TGM4: variants seen among roughly 807,000 people sequenced by gnomAD.
The protein encoded by TGM4 is protein-glutamine gamma-glutamyltransferase 4.
Under a neutral mutation model 76.3 loss-of-function variants are expected in TGM4, and 61 were observed. That is an observed-to-expected ratio of 0.80 (90% CI 0.65 to 0.99). The LOEUF (loss-of-function observed/expected upper bound fraction) is 0.99. Ranked by LOEUF, TGM4 falls within the 50% of genes least tolerant of loss-of-function variation. The probability of loss-of-function intolerance (pLI) is 0.00; values close to 1 mark genes in which losing one functional copy is unlikely to be tolerated. For synonymous variants in TGM4, 337 were observed against 329.8 expected (o/e 1.02, Z -0.24); for missense variants, 794 against 843.2 (o/e 0.94, Z 0.72).
rs572985677 is a variant in TGM4, at chr3:44,890,581, C to T, written c.301-22C>T. Reference sequence around the variant, plus strand: ...ATCTGGCCAGAGGGGGAGATGTCCACCTTATCTTATGGTTTGCTCAGGTCA... The same window carrying T: ...ATCTGGCCAGAGGGGGAGATGTCCATCTTATCTTATGGTTTGCTCAGGTCA... On this transcript the variant is annotated intron_variant, in intron 3 of 13. Transcript: ENST00000296125. 16 of 1,612,516 alleles carry T rather than the reference C, an allele frequency of 9.9e-6. 1 individual carries two copies. In the African/African-American group the frequency reaches 1.7e-4, roughly 17 times the overall value.
At chr3:44,892,972 C>G (rs1002577385) in intron 4 of TGM4, among the ~76,000 whole-genome samples, 2 of 152,124 alleles carry the variant, frequency 1.3e-5, no homozygotes, top group South Asian at 4.2e-4. Flanking sequence ...CACTGCCTGC[C>G]CCTCATTGGG....
intron 10 of TGM4, among the ~76,000 whole-genome samples, chr3:44,907,668 C>G (rs1699943541): frequency 1.3e-5 from 2 of 152,168 alleles, no homozygotes; most frequent in Non-Finnish European, 1.5e-5. Context: ...CCTAGCCATG[C>G]TGCCTGCTGT....
chr3:44,891,196 T>C (rs976523212), intron 4 of TGM4, among the ~76,000 whole-genome samples: 4 of 152,200 alleles, frequency 2.6e-5, no homozygotes, highest in African/African-American at 9.7e-5. Flanking sequence ...TGAGGCTACT[T>C]CTGCCATTAC....
chr3:44,901,113 G>A (rs971549604), intron 6 of TGM4, among the ~76,000 whole-genome samples: 8 of 152,062 alleles, frequency 5.3e-5, no homozygotes, highest in South Asian at 2.1e-4. Context: ...GGTGGCGTGC[G>A]CCTGTAGTCC....
intron 13 of TGM4, among the ~76,000 whole-genome samples, chr3:44,912,054 C>T (rs561120915): frequency 1.3e-5 from 2 of 152,312 alleles, no homozygotes; most frequent in South Asian, 4.1e-4. Flanking sequence ...TGGTCTTGAA[C>T]TCCTGACCTC....
At position 44,903,802 on chromosome 3, in the gene TGM4, T is replaced by G. The variant is rs1575724851; in HGVS notation, c.972-82T>G. On this transcript the variant is annotated intron_variant, in intron 8 of 13. Transcript: ENST00000296125. ...CTCAGTGGGTCCCCGGTGATGAAGA[T>G]GTCTCTGGCAATTTTGGCGTATTTA... 11 of 1,273,138 alleles carry G rather than the reference T, an allele frequency of 8.6e-6. No individual in the cohort carries two copies. The East Asian group carries it at 2.6e-4, about 30-fold the overall frequency. The allele number at this position is 1,273,138 out of a possible 1,614,324, so 78.9% of individuals were successfully genotyped here. A position where few individuals can be genotyped will look rare whatever the true frequency, so the allele number is the denominator to read the frequency against.
intron 4 of TGM4, among the ~76,000 whole-genome samples, chr3:44,892,634 G>A (rs1288931652): frequency 1.3e-5 from 2 of 152,124 alleles, no homozygotes; most frequent in African/African-American, 4.8e-5. Flanking sequence ...GCCTCCCAAA[G>A]TGCTGGGATT....
chr3:44,884,471 T>C (rs1019499127), intron 1 of TGM4, among the ~76,000 whole-genome samples: 5 of 152,286 alleles, frequency 3.3e-5, no homozygotes, highest in African/African-American at 9.6e-5. Flanking sequence ...CACTTTAGCA[T>C]TGAAGAAAAA....
Position 44,885,309 on chromosome 3 carries a change from G to T in TGM4, c.20-16G>T, listed in dbSNP as rs746053672. The T allele has an allele frequency of 1.3e-5, 21 of 1,595,516 alleles. No homozygotes were observed. Among genetic ancestry groups the T allele is most frequent in the Non-Finnish European group, 1.7e-5 (20 of 1,165,926 alleles). On this transcript the variant is annotated splice_polypyrimidine_tract_variant and intron_variant, in intron 1 of 13. Transcript: ENST00000296125. ...TTCTCTGTGCTCTCTTTCCACATGT[G>T]CTGCGTTGCTGACAGAGCTGCAAGT... is the stretch of plus-strand genomic sequence containing the variant.
chr3:44,879,461 C>A (rs945232619), intron 1 of TGM4, among the ~76,000 whole-genome samples: 3 of 149,674 alleles, frequency 2.0e-5, no homozygotes, highest in East Asian at 3.9e-4. Flanking sequence ...CATGTGCCAC[C>A]AAGCCTGGCT....
At chr3:44,878,369 G>A (rs570501936) in intron 1 of TGM4, among the ~76,000 whole-genome samples, 10 of 151,796 alleles carry the variant, frequency 6.6e-5, no homozygotes, top group African/African-American at 2.4e-4. Flanking sequence ...ACTTTATAGT[G>A]ATTTTCTCTG....
chr3:44,880,583 GA>G (rs1471521860), intron 1 of TGM4, among the ~76,000 whole-genome samples: 1 of 152,132 alleles, frequency 6.6e-6, no homozygotes, highest in Non-Finnish European at 1.5e-5. Context: ...AAAGTACAAA[GA>G]AAAATCAGCA....
At chr3:44,911,449 T>C (rs1191018238) in intron 13 of TGM4, 43 bp downstream of exon 13, 9 of 1,608,854 alleles carry the variant, frequency 5.6e-6, no homozygotes, top group South Asian at 1.1e-5. Flanking sequence ...CTTCTGGACA[T>C]ATATCTTGCA....
In TGM4 at chr3:44,901,820, G is replaced by T; in HGVS notation, c.860G>T (p.Arg287Leu). 1 of 1,614,122 alleles carries T rather than the reference G, an allele frequency of 6.2e-7. No homozygotes were observed. The highest frequency in any genetic ancestry group is 8.5e-7 in the Non-Finnish European group (1 of 1,180,016). Residue 287 changes from arginine to leucine, a missense_variant, in exon 8 of 14, where the codon CGC becomes CTC. Arg to Leu is a moderately radical substitution (Grantham distance 102, BLOSUM62 -2). Transcript: ENST00000296125. ...CTGAGAGCGTTGGGCATCCCAGCACGCAGTGTGACAGGCTTCGATTCAGCT... is the reference window on the plus strand; with the variant it reads ...CTGAGAGCGTTGGGCATCCCAGCACTCAGTGTGACAGGCTTCGATTCAGCT... ...TVLRALGIPA[R>L]SVTGFDSAHD...
chr3:44,900,098 G>A (rs1699832124), intron 6 of TGM4, among the ~76,000 whole-genome samples: 1 of 152,206 alleles, frequency 6.6e-6, no homozygotes, highest in Admixed American at 6.5e-5. Context: ...TCGTGCATCA[G>A]GAGTTTTGAA....
intron 1 of TGM4, among the ~76,000 whole-genome samples, chr3:44,884,643 C>A (rs577030612): frequency 1.6e-4 from 24 of 152,236 alleles, no homozygotes; most frequent in African/African-American, 5.8e-4. Flanking sequence ...CCTTAAAAAT[C>A]CCATTTATAA....
At chr3:44,875,733 A>G (rs1217788467) in intron 1 of TGM4, among the ~76,000 whole-genome samples, 1 of 151,582 alleles carries the variant, frequency 6.6e-6, no homozygotes, top group East Asian at 1.9e-4. Flanking sequence ...CTGCTTTGAA[A>G]CTCTGCAAAG....
chr3:44,897,721 A>T (rs1699799057), intron 6 of TGM4, among the ~76,000 whole-genome samples: 3 of 152,234 alleles, frequency 2.0e-5, no homozygotes, highest in Admixed American at 2.0e-4. Context: ...TGTATTAGAA[A>T]TTAAAACTGA....
chr3:44,894,958 G>A (rs541076816), intron 5 of TGM4, among the ~76,000 whole-genome samples: 1 of 152,240 alleles, frequency 6.6e-6, no homozygotes, highest in Admixed American at 6.5e-5. Flanking sequence ...GAGGGGTAGG[G>A]AAGAAGGAAT....
Sources: gnomAD v4.1 joint callset for allele counts (sites outside exome capture counted in the v4.1 genomes callset) on GRCh38, gnomAD v4.1.1 for gene constraint, MANE v1.5 for transcripts, NCBI Gene and HGNC (gene_info 2026-07-23, HGNC 2026-07-21) for gene names.